The following SPRING1 variants were observed in gnomAD, a reference collection of about 807,000 sequenced individuals.
SPRING1 encodes the protein SREBP regulating gene protein.
Under a neutral mutation model 24.7 loss-of-function variants are expected in SPRING1, and 14 were observed. The observed-to-expected ratio is 0.57, with a 90% CI of 0.37 to 0.88. The LOEUF (loss-of-function observed/expected upper bound fraction) is 0.88. Ranked by LOEUF, SPRING1 falls within the 40% of genes least tolerant of loss-of-function variation. The pLI is 0.00. For synonymous variants in SPRING1, 93 were observed against 106.1 expected (o/e 0.88, Z 0.76); for missense variants, 255 against 268.4 (o/e 0.95, Z 0.35).
chr12:116,723,170 C>A lies in SPRING1; in HGVS notation c.165G>T (p.Gln55His). 1 of 1,614,022 alleles carries A rather than the reference C, an allele frequency of 6.2e-7. No homozygotes were observed. The highest frequency in any genetic ancestry group is 2.2e-5 in the East Asian group (1 of 44,884). The change falls in exon 2 of 5, where the codon CAG (glutamine) becomes CAT (histidine). Residue 55 changes from glutamine (Q) to histidine (H), a missense_variant. Coordinates refer to ENST00000261318, the MANE Select transcript of SPRING1 (RefSeq NM_024738.4). Reference protein sequence around the residue: ...RNLLQVHDHNQPIPWKVQFNL... With the variant: ...RNLLQVHDHNHPIPWKVQFNL... ...TAAACTGCACTTTCCACGGGATGGGCTGATTATGGTCATGAACCTGGAGGA... is the reference window on the plus strand; with the variant it reads ...TAAACTGCACTTTCCACGGGATGGGATGATTATGGTCATGAACCTGGAGGA...
In SPRING1 at chr12:116,720,025, A is replaced by G; in HGVS notation, c.421-149T>C. 2.7e-6 allele frequency: 2 copies of G among 740,278 alleles called. No homozygotes were observed. Among genetic ancestry groups the G allele is most frequent in the Non-Finnish European group, 4.4e-6 (2 of 450,140 alleles). 45.9% of individuals were successfully genotyped at this position (740,278 alleles called of 1,614,324 possible). On this transcript the variant is annotated intron_variant, in intron 3 of 4. Coordinates refer to ENST00000261318, the MANE Select transcript of SPRING1 (RefSeq NM_024738.4). The surrounding 1 kb of genome is among the most constrained non-coding windows in gnomAD (Gnocchi z 4.0). The stretch of plus-strand genomic sequence containing the variant: ...GGGAGGGGAAAGGACACACGCGTGC[A>G]CACACGTGCATGCCAAAACACCCTG...
In SPRING1 at chr12:116,717,856, G is replaced by T. The variant is rs550643988; in HGVS notation, c.572C>A (p.Ala191Glu). 1.9e-6 allele frequency: 3 copies of T among 1,608,782 alleles called. No individual in the cohort carries two copies. In the African/African-American group the frequency reaches 4.0e-5, roughly 21 times the overall value. Residue 191 changes from alanine to glutamate, a missense_variant, in exon 5 of 5, where the codon GCA (alanine) becomes GAA (glutamate). Transcript: ENST00000261318. This position sits in a 1 kb window ranked among gnomAD's most constrained non-coding sequence, Gnocchi z 4.2. ...CGGGCTTTCTCCATAGCAATACTTTGCTATGGGGTCCCGGTAGGTGTTCTC... is the reference window on the plus strand; with the variant it reads ...CGGGCTTTCTCCATAGCAATACTTTTCTATGGGGTCCCGGTAGGTGTTCTC... ...QHENTYRDPI[A>E]KYCYGESPPE... is the part of the protein sequence containing the mutation.
In SPRING1 at chr12:116,712,119, A is replaced by G. The variant is rs1869897186; in HGVS notation, c.*5691T>C. On this transcript the variant is annotated 3_prime_UTR_variant, in exon 5 of 5. Transcript: ENST00000261318. The stretch of plus-strand genomic sequence containing the variant: ...GTCTCACAGAATGTGTAGTCCTGAG[A>G]AAAAATAAACCTGGACTCTTGGTAA... 6.6e-6 allele frequency: 1 copy of G among 152,230 alleles called. No individual in the cohort carries two copies. The highest frequency in any genetic ancestry group is 1.5e-5 in the Non-Finnish European group (1 of 68,046). The allele number at this position is 152,230 out of a possible 1,614,324, so 9.4% of individuals were successfully genotyped here. A position where few individuals can be genotyped will look rare whatever the true frequency, so the allele number is the denominator to read the frequency against.
rs199555935 is a variant in SPRING1 at position 116,737,810 on chromosome 12, G to A, written c.91C>T (p.Leu31Phe). ...CTGACCTGCTTGAAGGTGCTGCTGA[G>A]GAAGTAGACGAGCGACAGCCCGAAG... ...LVFGLSLVYF[L>F]SSTFKQEERA... The change falls in exon 1 of 5, where the codon CTC (leucine) becomes TTC (phenylalanine). Residue 31 changes from leucine (L) to phenylalanine (F), a missense_variant. Coordinates refer to ENST00000261318, the MANE Select transcript of SPRING1 (RefSeq NM_024738.4). The A allele has an allele frequency of 1.1e-4, 179 of 1,595,018 alleles. 1 individual carries two copies. In the Middle Eastern group the frequency reaches 2.8e-3, roughly 25 times the overall value.
At chr12:116,729,197 A>G (rs1469455619) in intron 1 of SPRING1, among the ~76,000 whole-genome samples, 1 of 151,328 alleles carries the variant, frequency 6.6e-6, no homozygotes, top group Admixed American at 6.6e-5. Flanking sequence ...TCTATATTCA[A>G]TATCTGTCAC....
chr12:116,735,202 G>A (rs993779871), intron 1 of SPRING1, among the ~76,000 whole-genome samples: 1 of 152,186 alleles, frequency 6.6e-6, no homozygotes, highest in African/African-American at 2.4e-5. Context: ...AAGACTCGGG[G>A]AGGAACAAGT....
chr12:116,718,091 G>A (rs1870247729), intron 4 of SPRING1, among the ~76,000 whole-genome samples, 198 bp from the exon 5 acceptor site: 1 of 152,210 alleles, frequency 6.6e-6, no homozygotes, highest in African/African-American at 2.4e-5. Flanking sequence ...TGCCAATGAA[G>A]AGCATGAACA....
chr12:116,735,183 G>A lies in SPRING1; in HGVS notation c.111+2607C>T, dbSNP rs144805158. On this transcript the variant is annotated intron_variant, in intron 1 of 4. Transcript: ENST00000261318. ...CTGGTGAACAGTAATGCCACTGAGC[G>A]AGACTGGGAAGACTCGGGGAGGAAC... Among the ~76,000 whole-genome samples the A allele has an allele frequency of 1.2e-4, 19 of 152,300 alleles. No individual in the cohort carries two copies. The East Asian group carries it at 2.9e-3, about 23-fold the overall frequency.
chr12:116,723,823 G>A (rs138279606), intron 1 of SPRING1, among the ~76,000 whole-genome samples: 3 of 152,244 alleles, frequency 2.0e-5, no homozygotes, highest in African/African-American at 4.8e-5. Context: ...AACCCGCTAC[G>A]GAACACACCC....
chr12:116,724,928 G>C (rs1175529053), intron 1 of SPRING1, among the ~76,000 whole-genome samples: 2 of 152,178 alleles, frequency 1.3e-5, no homozygotes, highest in African/African-American at 4.8e-5. Flanking sequence ...AAAGTACCTA[G>C]ATGATTTTAA....
At chr12:116,718,954 A>G (rs939032780) in intron 4 of SPRING1, among the ~76,000 whole-genome samples, 1 of 152,264 alleles carries the variant, frequency 6.6e-6, no homozygotes, top group Non-Finnish European at 1.5e-5. Flanking sequence ...GAAGGGGCAT[A>G]AAATCCAAAG....
At chr12:116,730,343 A>G (rs923653279) in intron 1 of SPRING1, among the ~76,000 whole-genome samples, 2 of 152,086 alleles carry the variant, frequency 1.3e-5, no homozygotes, top group Non-Finnish European at 2.9e-5. Context: ...AGCTGGGATT[A>G]CAGGCACCTG....
chr12:116,729,364 G>A (rs144438970), intron 1 of SPRING1, among the ~76,000 whole-genome samples: 1 of 152,204 alleles, frequency 6.6e-6, no homozygotes, highest in East Asian at 1.9e-4. Flanking sequence ...GACAGCTGCA[G>A]GTTCCTAAAA....
intron 1 of SPRING1, among the ~76,000 whole-genome samples, chr12:116,736,761 C>T (rs939623386): frequency 6.6e-6 from 1 of 152,124 alleles, no homozygotes; most frequent in Non-Finnish European, 1.5e-5. Flanking sequence ...TTTCCCCACC[C>T]GTGCTCCTTG....
intron 2 of SPRING1, among the ~76,000 whole-genome samples, chr12:116,721,158 GA>G (rs1566057266): frequency 6.6e-6 from 1 of 152,160 alleles, no homozygotes; most frequent in South Asian, 2.1e-4. Context: ...GCCAACTTTA[GA>G]GAAAAAATCT....
rs1360338531 is a variant in SPRING1 at position 116,728,494 on chromosome 12, C to G, written c.112-5271G>C. On this transcript the variant is annotated intron_variant, in intron 1 of 4. Coordinates refer to ENST00000261318, the MANE Select transcript of SPRING1 (RefSeq NM_024738.4). The surrounding 1 kb of genome is among the most constrained non-coding windows in gnomAD (Gnocchi z 4.2). ...CCACCATCATCACTGATTTCTTCTG[C>G]CTCCCATCTCTACAATTTAAGTTAT... Among the ~76,000 whole-genome samples, 3 of 152,196 alleles carry G rather than the reference C, an allele frequency of 2.0e-5. No individual in the cohort carries two copies. The highest frequency in any genetic ancestry group is 7.2e-5 in the African/African-American group (3 of 41,456).
chr12:116,736,274 G>A (rs1871215375), intron 1 of SPRING1, among the ~76,000 whole-genome samples: 1 of 152,166 alleles, frequency 6.6e-6, no homozygotes, highest in Non-Finnish European at 1.5e-5. Flanking sequence ...CAGATAGAGA[G>A]GAAGGCAGAG....
Position 116,717,606 on chromosome 12 carries a change from G to A in SPRING1, c.*204C>T, listed in dbSNP as rs1870203140. ...TGGGACTGGCTGGAGGGGCCAAGCTGCTTTACAGAAGAGTTCCATCTGGTA... is the reference window on the plus strand; with the variant it reads ...TGGGACTGGCTGGAGGGGCCAAGCTACTTTACAGAAGAGTTCCATCTGGTA... On this transcript the variant is annotated 3_prime_UTR_variant, in exon 5 of 5. Coordinates refer to ENST00000261318, the MANE Select transcript of SPRING1 (RefSeq NM_024738.4). This position sits in a 1 kb window ranked among gnomAD's most constrained non-coding sequence, Gnocchi z 4.2. 2.0e-6 allele frequency: 1 copy of A among 488,028 alleles called. No homozygotes were observed. Among genetic ancestry groups the A allele is most frequent in the Non-Finnish European group, 3.6e-6 (1 of 274,514 alleles). The allele number at this position is 488,028 out of a possible 1,614,324, so 30.2% of individuals were successfully genotyped here.
chr12:116,735,068 G>T (rs1215010648), intron 1 of SPRING1, among the ~76,000 whole-genome samples: 2 of 152,166 alleles, frequency 1.3e-5, no homozygotes, highest in African/African-American at 2.4e-5. Context: ...CTGAAGAAAT[G>T]AGCAGATTCA....
Sources: gnomAD v4.1 joint callset for allele counts (sites outside exome capture counted in the v4.1 genomes callset) on GRCh38, gnomAD v4.1.1 for gene constraint, Gnocchi (gnomAD v3.1) non-coding constraint, MANE v1.5 for transcripts, NCBI Gene and HGNC (gene_info 2026-07-23, HGNC 2026-07-21) for gene names.